The following CD163L1 variants were observed in gnomAD, a reference collection of about 807,000 sequenced individuals.
CD163L1 encodes the protein scavenger receptor cysteine-rich type 1 protein M160.
CD163L1 carries 124 observed loss-of-function variants against 165.4 expected under a neutral mutation model. The ratio of observed to expected loss-of-function variants is 0.75; its 90% CI spans 0.65 to 0.87. CD163L1 has a LOEUF of 0.87. CD163L1 is among the 40% of genes least tolerant of loss of function. The pLI is 0.00. For missense variants in CD163L1, 1,525 were observed against 1,799.9 expected, an observed-to-expected ratio of 0.85 and a Z score of 2.76; for synonymous variants, 585 against 662.2, an observed-to-expected ratio of 0.88 and a Z score of 1.79.
At chr12:7,373,828 G>A (rs1180472616) in intron 13 of CD163L1, among the ~76,000 whole-genome samples, 188 bp from the exon 14 acceptor site, 1 of 152,206 alleles carries the variant, frequency 6.6e-6, no homozygotes, top group Non-Finnish European at 1.5e-5. Flanking sequence ...CAGGATGAGT[G>A]TGGGTTTCCC....
At chr12:7,411,014 G>A (rs1011774011) in intron 4 of CD163L1, among the ~76,000 whole-genome samples, 3 of 151,416 alleles carry the variant, frequency 2.0e-5, no homozygotes, top group Non-Finnish European at 4.4e-5. Context: ...AAACTAAAGA[G>A]AGAAAAAAGA....
chr12:7,325,323 G>A, the CD163L1 span, among the ~76,000 whole-genome samples: 1 of 152,220 alleles, frequency 6.6e-6, no homozygotes, highest in Non-Finnish European at 1.5e-5. Context: ...ATGGAATTCA[G>A]AATATCTTTT....
intron 9 of CD163L1, among the ~76,000 whole-genome samples, chr12:7,376,566 A>G (rs1947275882): frequency 6.6e-6 from 1 of 152,134 alleles, no homozygotes; most frequent in Admixed American, 6.5e-5. Context: ...TTCCATTTGG[A>G]TTTCTTATAG....
At chr12:7,323,702 A>G in the CD163L1 span, 5 of 729,832 alleles carry the variant, frequency 6.9e-6, no homozygotes, top group Middle Eastern at 2.8e-4. Flanking sequence ...CTGTCACCCA[A>G]GAGTACTGTA....
chr12:7,361,498 C>T (rs1284537044), intron 18 of CD163L1, among the ~76,000 whole-genome samples: 2 of 150,266 alleles, frequency 1.3e-5, no homozygotes, highest in East Asian at 1.9e-4. Flanking sequence ...AGTAAGTCTT[C>T]TCTCAAACTT....
At chr12:7,423,482 G>A (rs1342044974) in intron 4 of CD163L1, among the ~76,000 whole-genome samples, 1 of 151,888 alleles carries the variant, frequency 6.6e-6, no homozygotes, top group Non-Finnish European at 1.5e-5. Flanking sequence ...TAAGATAAGA[G>A]CAAAACTGAA....
intron 6 of CD163L1, among the ~76,000 whole-genome samples, chr12:7,399,180 C>T (rs1323609694): frequency 6.7e-6 from 1 of 150,346 alleles, no homozygotes; most frequent in East Asian, 2.0e-4. Context: ...TCCGCCCTCC[C>T]TCTTTTCTTT....
downstream of CD163L1, among the ~76,000 whole-genome samples, chr12:7,345,482 T>A (rs1419911398): frequency 6.6e-6 from 1 of 152,188 alleles, no homozygotes; most frequent in Non-Finnish European, 1.5e-5. Context: ...ACTTCTCTGT[T>A]CATATCACTA....
chr12:7,434,049 A>G (rs979397516), intron 2 of CD163L1, among the ~76,000 whole-genome samples: 5 of 152,218 alleles, frequency 3.3e-5, no homozygotes, highest in Admixed American at 3.3e-4. Flanking sequence ...TTTCAAAATA[A>G]TCTGTATCTG....
chr12:7,386,267 G>C (rs189425552), intron 8 of CD163L1, among the ~76,000 whole-genome samples: 1 of 152,050 alleles, frequency 6.6e-6, no homozygotes, highest in East Asian at 1.9e-4. Flanking sequence ...GATTAATCAA[G>C]GAAGAAATAG....
At chr12:7,439,056 G>C (rs1948778426) in intron 2 of CD163L1, 2 of 1,588,826 alleles carry the variant, frequency 1.3e-6, no homozygotes, top group South Asian at 2.3e-5. Context: ...GCACTGTCTA[G>C]GGGCTTCTCA....
chr12:7,346,408 T>C (rs11052284), downstream of CD163L1, among the ~76,000 whole-genome samples: 9,316 of 152,282 alleles, frequency 0.061, 383 homozygotes, highest in East Asian at 0.17. Context: ...GGCTTGTGTG[T>C]GTCTTTCCTA....
At chr12:7,439,036 A>G (rs1948777876) in intron 2 of CD163L1, 8 of 1,604,554 alleles carry the variant, frequency 5.0e-6, no homozygotes, top group Non-Finnish European at 5.9e-6. Context: ...TATCCTCCTC[A>G]GCACTCATGG....
Position 7,369,754 on chromosome 12 carries a change from G to A in CD163L1, c.3731-89C>T. On this transcript the variant is annotated intron_variant, in intron 14 of 19. Transcript: ENST00000313599. The surrounding 1 kb of genome is among the most constrained non-coding windows in gnomAD (Gnocchi z 4.9). ...AGAAAAACTTGAAAGTAGCAAATGT[G>A]CTTGATGAATATGGGTGTGGTAAGG... is the stretch of plus-strand genomic sequence containing the variant. The A allele has an allele frequency of 8.5e-7, 1 of 1,174,604 alleles. No homozygotes were observed. The highest frequency in any genetic ancestry group is 1.2e-6 in the Non-Finnish European group (1 of 815,070). 72.8% of individuals were successfully genotyped at this position (1,174,604 alleles called of 1,614,324 possible). A position where few individuals can be genotyped will look rare whatever the true frequency, so the allele number is the denominator to read the frequency against.
At position 7,379,227 on chromosome 12, in the gene CD163L1, G is replaced by A. The variant is rs772608388; in HGVS notation, c.2122C>T (p.Gln708Ter). The A allele has an allele frequency of 9.3e-6, 15 of 1,614,026 alleles. No individual in the cohort carries two copies. The highest frequency in any genetic ancestry group is 1.3e-5 in the Non-Finnish European group (15 of 1,180,042). The change falls in exon 9 of 20, where the codon CAG becomes TAG. Residue 708 changes from glutamine to a stop codon, truncating the protein, a stop_gained. Transcript: ENST00000313599. LOFTEE classifies it high-confidence loss of function. The part of the protein sequence containing the change: ...RCAGKVEVNV[Q>*]GAVGILCANG... ...GCACACAGAATTCCCACGGCACCCT[G>A]GACATTCACCTCAACTTTTCCAGCA... is the stretch of plus-strand genomic sequence containing the variant.
At chr12:7,401,984 T>A (rs770052645) in intron 6 of CD163L1, among the ~76,000 whole-genome samples, 71 of 152,174 alleles carry the variant, frequency 4.7e-4, no homozygotes, top group Middle Eastern at 3.4e-3. Flanking sequence ...GTCTACCAAA[T>A]TGATCACACT....
At chr12:7,387,719 G>A (rs1947549575) in intron 8 of CD163L1, among the ~76,000 whole-genome samples, 1 of 152,142 alleles carries the variant, frequency 6.6e-6, no homozygotes, top group Non-Finnish European at 1.5e-5. Flanking sequence ...TTCAGACTGT[G>A]AGCCAAATAA....
chr12:7,367,396 T>C (rs2136403905), intron 17 of CD163L1, 65 bp from the exon 18 acceptor site: 1 of 1,023,284 alleles, frequency 9.8e-7, no homozygotes. Context: ...ATTAGGACAC[T>C]TAATGCTAAG....
intron 4 of CD163L1, among the ~76,000 whole-genome samples, chr12:7,427,696 G>T (rs1393988600): frequency 2.0e-5 from 3 of 152,028 alleles, no homozygotes; most frequent in Non-Finnish European, 4.4e-5. Flanking sequence ...AGGCAGGTCA[G>T]ATAGCAAGAA....
Sources: gnomAD v4.1 joint callset for allele counts (sites outside exome capture counted in the v4.1 genomes callset) on GRCh38, gnomAD v4.1.1 for gene constraint, Gnocchi (gnomAD v3.1) non-coding constraint, MANE v1.5 for transcripts, NCBI Gene and HGNC (gene_info 2026-07-23, HGNC 2026-07-21) for gene names.